The following KIDINS220 variants were observed in gnomAD, a reference collection of about 807,000 sequenced individuals.
KIDINS220 encodes the protein kinase D interacting substrate 220.
Under a neutral mutation model 157.6 loss-of-function variants are expected in KIDINS220, and 63 were observed. The ratio of observed to expected loss-of-function variants is 0.40; its 90% CI spans 0.33 to 0.49. The LOEUF (loss-of-function observed/expected upper bound fraction) is 0.49, where lower values mean the gene tolerates loss of function less well. KIDINS220 is among the 20% of genes least tolerant of loss of function. KIDINS220 has a pLI of 0.66. For synonymous variants in KIDINS220, 732 were observed against 783.6 expected (o/e 0.93, Z 1.10); for missense variants, 1,772 against 2,171.2 (o/e 0.82, Z 3.65).
At chr2:8,735,498 A>G (rs1572421287) in intron 27 of KIDINS220, among the ~76,000 whole-genome samples, 2 of 152,168 alleles carry the variant, frequency 1.3e-5, no homozygotes, top group South Asian at 4.1e-4. Context: ...ACGCCACTGC[A>G]CTCCAGCCTG....
intron 7 of KIDINS220, among the ~76,000 whole-genome samples, chr2:8,804,030 A>T (rs1675093267): frequency 6.6e-6 from 1 of 152,212 alleles, no homozygotes; most frequent in Non-Finnish European, 1.5e-5. Context: ...AGCCTTTTCA[A>T]ATTCTTGAGC....
chr2:8,775,118 T>A (rs961905021), intron 21 of KIDINS220, among the ~76,000 whole-genome samples: 1 of 152,152 alleles, frequency 6.6e-6, no homozygotes, highest in Non-Finnish European at 1.5e-5. Flanking sequence ...CTTAAGGAAC[T>A]GGAAAAGAGT....
At chr2:8,802,174 G>A (rs1382665925) in intron 8 of KIDINS220, among the ~76,000 whole-genome samples, 1 of 152,188 alleles carries the variant, frequency 6.6e-6, no homozygotes, top group Non-Finnish European at 1.5e-5. Flanking sequence ...GTCATGTCAT[G>A]TCTATAACTA....
chr2:8,753,176 G>A (rs1667585767), intron 22 of KIDINS220, among the ~76,000 whole-genome samples: 1 of 151,956 alleles, frequency 6.6e-6, no homozygotes, highest in Non-Finnish European at 1.5e-5. Context: ...CTAACAGATG[G>A]AAGGATAAAT....
chr2:8,834,052 T>G (rs1680035449), intron 1 of KIDINS220, among the ~76,000 whole-genome samples: 1 of 152,020 alleles, frequency 6.6e-6, no homozygotes, highest in East Asian at 1.9e-4. Context: ...CTCCCATGGT[T>G]CTCTATCTCC....
intron 2 of KIDINS220, among the ~76,000 whole-genome samples, chr2:8,820,727 T>C (rs899535742): frequency 3.7e-4 from 57 of 152,318 alleles, no homozygotes; most frequent in African/African-American, 1.3e-3. Flanking sequence ...ATAACTTTTA[T>C]GATAATCATC....
In KIDINS220 at chr2:8,798,299, T is replaced by C; in HGVS notation, c.902A>G (p.Asp301Gly). 6.4e-7 allele frequency: 1 copy of C among 1,554,496 alleles called. No homozygotes were observed. The highest frequency in any genetic ancestry group is 1.1e-5 in the South Asian group (1 of 89,272). ...AGCCCAATACAAAGCAGTTTTATTATCCTAGATAATTAAAAAAAACACAAT... is the reference window on the plus strand; with the variant it reads ...AGCCCAATACAAAGCAGTTTTATTACCCTAGATAATTAAAAAAAACACAAT... ...KYADIDIRGQ[D>G]NKTALYWAVE... The change falls in exon 10 of 30, where the codon GAT becomes GGT. Residue 301 changes from aspartate to glycine, a missense_variant and splice_region_variant. Transcript: ENST00000256707.
intron 23 of KIDINS220, 127 bp from the exon 24 acceptor site, chr2:8,750,462 C>T: frequency 3.5e-6 from 2 of 576,290 alleles, no homozygotes; most frequent in Non-Finnish European, 2.6e-6. Flanking sequence ...CGGATTCCAA[C>T]TAGATTAAAA....
At chr2:8,828,896 CCTCTGGATGGA>C in intron 1 of KIDINS220, among the ~76,000 whole-genome samples, 1 of 152,300 alleles carries the variant, frequency 6.6e-6, no homozygotes, top group South Asian at 2.1e-4. Context: ...AGGAATCATG[CCTCTGGATGGA>C]CTACACCCAG....
At chr2:8,748,042 G>T in intron 24 of KIDINS220, 42 bp from the exon 25 acceptor site, 2 of 1,147,142 alleles carry the variant, frequency 1.7e-6, no homozygotes, top group Non-Finnish European at 1.2e-6. Flanking sequence ...AACAATTACA[G>T]AAATGAAAGT....
intron 1 of KIDINS220, among the ~76,000 whole-genome samples, chr2:8,836,291 G>A (rs1352909739): frequency 6.6e-6 from 1 of 152,100 alleles, no homozygotes; most frequent in Non-Finnish European, 1.5e-5. Flanking sequence ...GGGCGAATGG[G>A]GCTTTGGCCA....
At chr2:8,813,862 T>G (rs1676678483) in intron 4 of KIDINS220, among the ~76,000 whole-genome samples, 1 of 152,154 alleles carries the variant, frequency 6.6e-6, no homozygotes, top group African/African-American at 2.4e-5. Context: ...AGGCAGAGGT[T>G]GCAGTAAGCC....
At position 8,778,981 on chromosome 2, in the gene KIDINS220, G is replaced by A; in HGVS notation, c.2529C>T (p.Phe843=). The A allele has an allele frequency of 6.2e-7, 1 of 1,614,054 alleles. No homozygotes were observed. Among genetic ancestry groups the A allele is most frequent in the Non-Finnish European group, 8.5e-7 (1 of 1,179,966 alleles). The change falls in exon 19 of 30, where the codon TTC becomes TTT. Residue 843 remains phenylalanine (F), a synonymous_variant. Coordinates refer to ENST00000256707, the MANE Select transcript of KIDINS220 (RefSeq NM_020738.4). The stretch of plus-strand genomic sequence containing the variant: ...CATTGCTTAGTCCACGACTATTAAG[G>A]AACACAGGCAAGTGGACTATGTTGC... ...YMRNIVHLPV[F]LNSRGLSNAR...
At chr2:8,770,953 A>C (rs1670135169) in intron 21 of KIDINS220, 121 bp from the exon 22 acceptor site, 1 of 566,208 alleles carries the variant, frequency 1.8e-6, no homozygotes, top group Admixed American at 3.9e-5. Context: ...TTTATACTAC[A>C]AATTCAAATC....
At chr2:8,836,093 AAGAG>A (rs1680345725) in intron 1 of KIDINS220, among the ~76,000 whole-genome samples, 3 of 152,182 alleles carry the variant, frequency 2.0e-5, no homozygotes, top group African/African-American at 7.2e-5. Flanking sequence ...AAATATCCAG[AAGAG>A]ATATTCTGGA....
chr2:8,777,506 G>A (rs1309096781), intron 20 of KIDINS220, among the ~76,000 whole-genome samples: 2 of 152,088 alleles, frequency 1.3e-5, no homozygotes, highest in Admixed American at 1.3e-4. Context: ...TCACTATGTT[G>A]CCCGGGCTGG....
At chr2:8,805,910 G>A (rs1675377764) in intron 7 of KIDINS220, among the ~76,000 whole-genome samples, 1 of 152,160 alleles carries the variant, frequency 6.6e-6, no homozygotes, top group Non-Finnish European at 1.5e-5. Flanking sequence ...GTGTGTAAGT[G>A]CACTCTATGA....
chr2:8,723,376 G>T (rs1316131259), downstream of KIDINS220: 1 of 152,262 alleles, frequency 6.6e-6, no homozygotes, highest in Non-Finnish European at 1.5e-5. Context: ...AGGAGCGTGG[G>T]CCTCTGGGTC....
intron 7 of KIDINS220, among the ~76,000 whole-genome samples, chr2:8,805,614 G>A (rs1207669298): frequency 6.6e-6 from 1 of 152,120 alleles, no homozygotes; most frequent in Non-Finnish European, 1.5e-5. Flanking sequence ...AGTCACTTAT[G>A]AAATTACACA....
Sources: allele counts gnomAD v4.1 joint callset (sites outside exome capture counted in the v4.1 genomes callset), GRCh38; gene constraint gnomAD v4.1.1; transcripts MANE v1.5; gene names NCBI Gene and HGNC (gene_info 2026-07-23, HGNC 2026-07-21).